Variants in GCC2 observed in about 807,000 individuals in gnomAD.
The protein encoded by GCC2 is GRIP and coiled-coil domain containing 2.
GCC2 carries 120 observed loss-of-function variants against 210.6 expected under a neutral mutation model. The ratio of observed to expected loss-of-function variants is 0.57; its 90% CI spans 0.49 to 0.66. The LOEUF (loss-of-function observed/expected upper bound fraction) is 0.66, where lower values mean the gene tolerates loss of function less well. Among genes scored for constraint, GCC2 ranks in the 30% least tolerant of loss-of-function variants. GCC2 has a pLI of 0.00. For missense variants in GCC2, 1,868 were observed against 1,871.9 expected (o/e 1.00, Z 0.04); for synonymous variants, 703 against 652.7 (o/e 1.08, Z -1.17).
chr2:108,507,457 TTA>T, intron 22 of GCC2, 101 bp from the exon 23 acceptor site: 7 of 847,048 alleles, frequency 8.3e-6, no homozygotes, highest in Non-Finnish European at 1.2e-5. Flanking sequence ...CATTATTTGC[TTA>T]TATTGTAGAG....
At chr2:108,501,327 T>A (rs908925123) in intron 22 of GCC2, among the ~76,000 whole-genome samples, 2 of 152,158 alleles carry the variant, frequency 1.3e-5, no homozygotes, top group African/African-American at 2.4e-5. Context: ...TATATAAATA[T>A]ATTTTTAATG....
rs759668927 is a variant in GCC2 at position 108,472,795 on chromosome 2, T to C, written c.2788-32T>C. On this transcript the variant is annotated intron_variant, in intron 6 of 22. Transcript: ENST00000309863. ...AATTCTGATTCTGGTTTTTGTTTTG[T>C]TTTGTGTTTTTTTTTCCCCTGTAAA... is the stretch of plus-strand genomic sequence containing the variant. 5 of 1,290,410 alleles carry C rather than the reference T, an allele frequency of 3.9e-6. No homozygotes were observed. In the South Asian group the frequency reaches 6.4e-5, roughly 16 times the overall value. 79.9% of individuals were successfully genotyped at this position (1,290,410 alleles called of 1,614,324 possible).
At chr2:108,473,566 T>C (rs948345886) in intron 7 of GCC2, among the ~76,000 whole-genome samples, 1 of 152,126 alleles carries the variant, frequency 6.6e-6, no homozygotes, top group Non-Finnish European at 1.5e-5. Flanking sequence ...AGTAACATTA[T>C]AGGATAGCTC....
chr2:108,465,059 C>T (rs968409658), intron 4 of GCC2, among the ~76,000 whole-genome samples: 3 of 152,182 alleles, frequency 2.0e-5, no homozygotes, highest in Non-Finnish European at 2.9e-5. Context: ...CCAAGCCATT[C>T]GTGAGGAATC....
chr2:108,502,065 C>A (rs1039949012), intron 22 of GCC2, among the ~76,000 whole-genome samples: 5 of 151,766 alleles, frequency 3.3e-5, no homozygotes, highest in Non-Finnish European at 7.4e-5. Context: ...CAAAAGTAAA[C>A]CTAATTTTAT....
rs1474192067 is a variant in GCC2 at position 108,487,782 on chromosome 2, T to G, written c.4014T>G (p.Ser1338=). The G allele has an allele frequency of 6.2e-7, 1 of 1,613,438 alleles. No individual in the cohort carries two copies. Among genetic ancestry groups the G allele is most frequent in the Non-Finnish European group, 8.5e-7 (1 of 1,179,646 alleles). Residue 1338 remains serine (S), a synonymous_variant, in exon 17 of 23, where the codon TCT becomes TCG. Coordinates refer to ENST00000309863, the MANE Select transcript of GCC2 (RefSeq NM_181453.4). ...TTCTAAAACAACAGAAAAATAAATC[T>G]ATGTCTCAGGCTGAAACTGAGGGCG... ...HNVLKQQKNK[S]MSQAETEGAK...
intron 17 of GCC2, among the ~76,000 whole-genome samples, chr2:108,488,182 C>T (rs763257847): frequency 6.6e-6 from 1 of 152,132 alleles, no homozygotes; most frequent in African/African-American, 2.4e-5. Flanking sequence ...GCTGGGATTA[C>T]AGACGTGAGC....
At chr2:108,451,841 C>CTTT (rs367697586) in intron 3 of GCC2, among the ~76,000 whole-genome samples, 19 of 124,924 alleles carry the variant, frequency 1.5e-4, no homozygotes, top group African/African-American at 3.8e-4. Context: ...CTCTCTCTCT[C>CTTT]TTTTTTTTTT....
At chr2:108,479,980 CAAAAAAAAA>C (rs200934785) in intron 9 of GCC2, among the ~76,000 whole-genome samples, 16 of 114,536 alleles carry the variant, frequency 1.4e-4, no homozygotes, top group African/African-American at 4.0e-4. Context: ...GACTCCATCT[CAAAAAAAAA>C]AAAAAAAAAA....
rs1260191310 is a variant in GCC2, at chr2:108,471,631, T to C, written c.2302T>C (p.Ser768Pro). The C allele has an allele frequency of 6.2e-7, 1 of 1,613,366 alleles. No individual in the cohort carries two copies. The highest frequency in any genetic ancestry group is 8.5e-7 in the Non-Finnish European group (1 of 1,179,504). The part of the protein sequence containing the change: ...QLYGFLKEMG[S>P]EVSEDSEEKD... ...GTATGGTTTTCTTAAAGAAATGGGA[T>C]CAGAAGTTTCAGAAGACAGTGAAGA... Residue 768 changes from serine to proline, a missense_variant, in exon 6 of 23, where the codon TCA becomes CCA. Transcript: ENST00000309863.
chr2:108,463,195 T>G (rs1238780996), intron 4 of GCC2, among the ~76,000 whole-genome samples: 3 of 152,220 alleles, frequency 2.0e-5, no homozygotes, highest in Admixed American at 1.3e-4. Flanking sequence ...TAGGATCTTA[T>G]GAATTTCTTT....
intron 18 of GCC2, among the ~76,000 whole-genome samples, chr2:108,491,777 A>ATT (rs201879710): frequency 2.7e-5 from 4 of 150,078 alleles, no homozygotes; most frequent in South Asian, 2.1e-4. Flanking sequence ...TTATTTATTT[A>ATT]TTTATTTATT....
chr2:108,501,275 A>G lies in GCC2; in HGVS notation c.4984+1521A>G, dbSNP rs577490842. ...GCTGGGATTACAGGTGTGAGCCACC[A>G]CGCCCAGCCATTTTGTTGTTTTTTT... On this transcript the variant is annotated intron_variant, in intron 22 of 22. Coordinates refer to ENST00000309863, the MANE Select transcript of GCC2 (RefSeq NM_181453.4). Among the ~76,000 whole-genome samples, 41 of 152,052 alleles carry G rather than the reference A, an allele frequency of 2.7e-4. No homozygotes were observed. The South Asian group carries it at 6.8e-3, about 25-fold the overall frequency.
intron 6 of GCC2, 50 bp downstream of exon 6, chr2:108,472,166 C>G (rs1269356583): frequency 4.7e-6 from 6 of 1,263,886 alleles, no homozygotes; most frequent in Non-Finnish European, 6.4e-6. Flanking sequence ...TAGTTCAACT[C>G]TACAATATAT....
At chr2:108,492,265 T>A (rs1167965877) in intron 18 of GCC2, among the ~76,000 whole-genome samples, 2 of 152,178 alleles carry the variant, frequency 1.3e-5, no homozygotes, top group Admixed American at 1.3e-4. Context: ...TATTTTATGC[T>A]TTAAATATAA....
chr2:108,491,941 T>A (rs544256938), intron 18 of GCC2, among the ~76,000 whole-genome samples: 2 of 152,208 alleles, frequency 1.3e-5, no homozygotes, highest in South Asian at 2.1e-4. Flanking sequence ...CTGGAACCAC[T>A]ACTGAGATCC....
chr2:108,450,434 C>T (rs1330888859), intron 2 of GCC2, among the ~76,000 whole-genome samples: 1 of 152,216 alleles, frequency 6.6e-6, no homozygotes, highest in African/African-American at 2.4e-5. Flanking sequence ...TAGCTCCAAC[C>T]TACTGATTTT....
In GCC2 at chr2:108,479,816, T is replaced by C. The variant is rs142571072; in HGVS notation, c.3061-1881T>C. Among the ~76,000 whole-genome samples the C allele has an allele frequency of 3.4e-3, 524 of 151,974 alleles. 2 individuals carry two copies. The highest frequency in any genetic ancestry group is 0.012 in the African/African-American group (478 of 41,446). ...GGCCAACATGGTGAAACCCCATCTC[T>C]ACTAAAAATACAAAAATTAGCCAGG... is the stretch of plus-strand genomic sequence containing the variant. On this transcript the variant is annotated intron_variant, in intron 9 of 22. Transcript: ENST00000309863.
chr2:108,450,742 C>T (rs1011105019), intron 2 of GCC2, among the ~76,000 whole-genome samples: 9 of 152,070 alleles, frequency 5.9e-5, no homozygotes, highest in Non-Finnish European at 1.2e-4. Flanking sequence ...ATTAGCCGGA[C>T]GTGGTAGCGG....
Sources: gnomAD v4.1 joint callset for allele counts (sites outside exome capture counted in the v4.1 genomes callset) on GRCh38, gnomAD v4.1.1 for gene constraint, MANE v1.5 for transcripts, NCBI Gene and HGNC (gene_info 2026-07-23, HGNC 2026-07-21) for gene names.